FLT4: variants seen among roughly 807,000 people sequenced by gnomAD.
The protein encoded by FLT4 is fms related receptor tyrosine kinase 4.
In FLT4, 30 loss-of-function variants were observed where a neutral mutation model predicts 163.2. The ratio of observed to expected loss-of-function variants is 0.18; its 90% CI spans 0.14 to 0.25. The LOEUF is 0.25. FLT4 is among the 10% of genes least tolerant of loss of function. The pLI is 1.00. For synonymous variants in FLT4, 884 were observed against 789.5 expected (o/e 1.12, Z -2.01); for missense variants, 1,510 against 1,863.8 (o/e 0.81, Z 3.50).
intron 1 of FLT4, among the ~76,000 whole-genome samples, chr5:180,642,066 G>A (rs1219793022): frequency 6.6e-6 from 1 of 152,154 alleles, no homozygotes; most frequent in African/African-American, 2.4e-5. Context: ...AATTAGCCCA[G>A]TGTGGTGGCG....
intron 1 of FLT4, among the ~76,000 whole-genome samples, chr5:180,638,026 C>G (rs1481503194): frequency 9.2e-5 from 14 of 152,128 alleles, no homozygotes; most frequent in Admixed American, 7.9e-4. Context: ...CTCCAGGCTG[C>G]AGACCTAGTG....
At position 180,644,516 on chromosome 5, in the gene FLT4, G is replaced by T. The variant is rs534953179; in HGVS notation, c.58+4972C>A. ...GTGCCTGCCCCTTCTTTCCCGCTTG[G>T]CCCCCATGCTATTTGGAACCAGATG... On this transcript the variant is annotated intron_variant, in intron 1 of 29. Coordinates refer to ENST00000261937, the MANE Select transcript of FLT4 (RefSeq NM_182925.5). Among the ~76,000 whole-genome samples, 5 of 152,284 alleles carry T rather than the reference G, an allele frequency of 3.3e-5. No individual in the cohort carries two copies. The South Asian group carries it at 1.0e-3, about 32-fold the overall frequency.
intron 29 of FLT4, among the ~76,000 whole-genome samples, chr5:180,605,472 T>G (rs1259610934): frequency 1.3e-5 from 2 of 152,226 alleles, no homozygotes; most frequent in Non-Finnish European, 1.5e-5. Context: ...AAGTTTTAAC[T>G]CTAATACTGT....
intron 29 of FLT4, among the ~76,000 whole-genome samples, chr5:180,603,704 A>G (rs1261598292): frequency 6.6e-6 from 1 of 152,088 alleles, no homozygotes; most frequent in Admixed American, 6.5e-5. Flanking sequence ...GGAGATCGAG[A>G]CCATCCTGGC....
rs142871596 is a variant in FLT4 at position 180,639,973 on chromosome 5, C to T, written c.59-8195G>A. ...GCAGCAGCGTGGTTGGGGCAGGCAC[C>T]GGGTGGAGGTCAGAAAGGCCAGAAT... is the stretch of plus-strand genomic sequence containing the variant. On this transcript the variant is annotated intron_variant, in intron 1 of 29. Coordinates refer to ENST00000261937, the MANE Select transcript of FLT4 (RefSeq NM_182925.5). 2.5e-3 allele frequency among the ~76,000 whole-genome samples: 382 copies of T among 152,310 alleles called. 2 individuals are homozygous for T. Among genetic ancestry groups the T allele is most frequent in the African/African-American group, 8.6e-3 (356 of 41,574 alleles).
chr5:180,618,885 G>A lies in FLT4; in HGVS notation c.2886C>T (p.Ala962=), dbSNP rs1381033800. 6.3e-7 allele frequency: 1 copy of A among 1,587,892 alleles called. No individual in the cohort carries two copies. ...KSPEQRGRFR[A]MVELARLDRR... is the part of the protein sequence containing the mutation. ...GATCCAGCCTGGCGAGCTCCACCAT[G>A]GCGCGGAAGCGTCCGCGCTGCTCGG... Residue 962 remains alanine (A), a synonymous_variant, in exon 21 of 30, where the codon GCC becomes GCT. Coordinates refer to ENST00000261937, the MANE Select transcript of FLT4 (RefSeq NM_182925.5).
In FLT4 at chr5:180,603,339, G is replaced by A; in HGVS notation, c.3945C>T (p.Ser1315=). 1.2e-6 allele frequency: 2 copies of A among 1,614,082 alleles called. No homozygotes were observed. Among genetic ancestry groups the A allele is most frequent in the African/African-American group, 2.7e-5 (2 of 75,064 alleles). ...GCTCAGGCCGCCGCCGCCTCCCTTG[G>A]GAGTCAGGGTGTGCCCTGGTCACAG... ...NVAVTRAHPD[S]QGRRRRPERG... The change falls in exon 30 of 30, where the codon TCC becomes TCT. Residue 1315 remains serine, a synonymous_variant. Coordinates refer to ENST00000261937, the MANE Select transcript of FLT4 (RefSeq NM_182925.5).
chr5:180,608,226 A>AT, intron 29 of FLT4: 1 of 700,818 alleles, frequency 1.4e-6, no homozygotes, highest in Non-Finnish European at 2.6e-6. Context: ...GATCTTTCTT[A>AT]TAAGTGCAGA....
chr5:180,647,820 C>T (rs941983044), intron 1 of FLT4, among the ~76,000 whole-genome samples: 2 of 152,166 alleles, frequency 1.3e-5, no homozygotes, highest in African/African-American at 4.8e-5. Context: ...CTCTTCATAA[C>T]TGGGTCACTA....
At chr5:180,607,003 G>A (rs964368014) in intron 29 of FLT4, among the ~76,000 whole-genome samples, 5 of 151,938 alleles carry the variant, frequency 3.3e-5, no homozygotes, top group African/African-American at 1.2e-4. Context: ...ACGTGAACCC[G>A]GGAGGTGGAG....
intron 1 of FLT4, among the ~76,000 whole-genome samples, chr5:180,648,804 C>T (rs1407139123): frequency 6.6e-6 from 1 of 152,216 alleles, no homozygotes; most frequent in Non-Finnish European, 1.5e-5. Flanking sequence ...CTCAGCTGGC[C>T]TTCGAGGCCC....
chr5:180,639,964 G>A (rs898515678), intron 1 of FLT4, among the ~76,000 whole-genome samples: 2 of 152,212 alleles, frequency 1.3e-5, no homozygotes, highest in Non-Finnish European at 2.9e-5. Context: ...GCGTGGTTGG[G>A]GCAGGCACCG....
At chr5:180,614,498 A>G (rs1472925968) in intron 23 of FLT4, among the ~76,000 whole-genome samples, 1 of 152,012 alleles carries the variant, frequency 6.6e-6, no homozygotes, top group Admixed American at 6.5e-5. Flanking sequence ...CCTCCAGCGC[A>G]GCCTCCTGAT....
chr5:180,620,572 G>C lies in FLT4; in HGVS notation c.2406+37C>G, dbSNP rs778623338. On this transcript the variant is annotated intron_variant, in intron 16 of 29. Transcript: ENST00000261937. This position sits in a 1 kb window ranked among gnomAD's most constrained non-coding sequence, Gnocchi z 4.4. ...GGGGCGGCCAGGGTGGGGAAGGCCT[G>C]AGAGAGACTCCATCAGGAGCGGGGA... The C allele has an allele frequency of 5.3e-6, 8 of 1,502,856 alleles. No homozygotes were observed. The highest frequency in any genetic ancestry group is 9.3e-7 in the Non-Finnish European group (1 of 1,080,456). 93.1% of individuals were successfully genotyped at this position (1,502,856 alleles called of 1,614,324 possible).
intron 8 of FLT4, among the ~76,000 whole-genome samples, chr5:180,628,410 C>T (rs929201270): frequency 2.0e-5 from 3 of 152,244 alleles, no homozygotes; most frequent in Non-Finnish European, 4.4e-5. Flanking sequence ...TGGAAGCTCT[C>T]TCGCTCGCTG....
rs750991289 is a variant in FLT4 at position 180,614,053 on chromosome 5, C to A, written c.3331+15G>T. ...CTCGCCTCCTCTCCCCACCGGCACC[C>A]CATCCTGCACTCACCCAGAGAGAAG... On this transcript the variant is annotated intron_variant, in intron 24 of 29. Coordinates refer to ENST00000261937, the MANE Select transcript of FLT4 (RefSeq NM_182925.5). 8.9e-6 allele frequency: 14 copies of A among 1,572,334 alleles called. No individual in the cohort carries two copies. In the African/African-American group the frequency reaches 1.1e-4, roughly 12 times the overall value.
Position 180,624,036 on chromosome 5 carries a change from T to C in FLT4, c.1447A>G (p.Met483Val), listed in dbSNP as rs1763400092. 1 of 1,613,010 alleles carries C rather than the reference T, an allele frequency of 6.2e-7. No individual in the cohort carries two copies. The highest frequency in any genetic ancestry group is 1.1e-5 in the South Asian group (1 of 91,084). ...SLRRRQQQDL[M>V]PQCRDWRAVT... is the part of the protein sequence containing the mutation. The stretch of plus-strand genomic sequence containing the variant: ...GCCCTCCAGTCACGGCACTGTGGCA[T>C]GAGGTCTTGCTGCTGCCGCCGCCGG... Residue 483 changes from methionine to valine, a missense_variant, in exon 11 of 30, where the codon ATG (methionine) becomes GTG (valine). Coordinates refer to ENST00000261937, the MANE Select transcript of FLT4 (RefSeq NM_182925.5).
At position 180,618,689 on chromosome 5, in the gene FLT4, GA is replaced by G. The variant is rs765543394; in HGVS notation, c.3001+80del. Reference sequence around the variant, plus strand: ...CTCTCCCATGAAAGCCCCCGCTGAGGACCCCAGGCTGGGGTGCCTGATCACG... The same window carrying G: ...CTCTCCCATGAAAGCCCCCGCTGAGGCCCCAGGCTGGGGTGCCTGATCACG... On this transcript the variant is annotated intron_variant, in intron 21 of 29. Coordinates refer to ENST00000261937, the MANE Select transcript of FLT4 (RefSeq NM_182925.5). 1.6e-3 allele frequency: 910 copies of G among 573,106 alleles called. 2 individuals carry two copies. The highest frequency in any genetic ancestry group is 3.7e-3 in the Admixed American group (80 of 21,358). 35.5% of individuals were successfully genotyped at this position (573,106 alleles called of 1,614,324 possible). A position where few individuals can be genotyped will look rare whatever the true frequency, so the allele number is the denominator to read the frequency against.
Position 180,626,305 on chromosome 5 carries a change from C to T in FLT4, c.1104-40G>A, listed in dbSNP as rs767611880. 4 of 1,605,204 alleles carry T rather than the reference C, an allele frequency of 2.5e-6. 1 individual carries two copies. In the South Asian group the frequency reaches 4.4e-5, roughly 18 times the overall value. ...GAGGTCAGGGCCCATACAGATCCCA[C>T]CACAGCCCCAACCTCATGCTGGCAC... On this transcript the variant is annotated intron_variant, in intron 8 of 29. Coordinates refer to ENST00000261937, the MANE Select transcript of FLT4 (RefSeq NM_182925.5).
Sources: allele counts gnomAD v4.1 joint callset (sites outside exome capture counted in the v4.1 genomes callset), GRCh38; gene constraint gnomAD v4.1.1; non-coding constraint Gnocchi (gnomAD v3.1); transcripts MANE v1.5; gene names NCBI Gene and HGNC (gene_info 2026-07-23, HGNC 2026-07-21).